Variants in CARD10 observed in about 807,000 individuals in gnomAD.
The protein encoded by CARD10 is caspase recruitment domain-containing protein 10.
Under a neutral mutation model 114.6 loss-of-function variants are expected in CARD10, and 49 were observed. The observed-to-expected ratio is 0.43, with a 90% confidence interval of 0.34 to 0.54. The LOEUF (loss-of-function observed/expected upper bound fraction) is 0.54. Ranked by LOEUF, CARD10 falls within the 20% of genes least tolerant of loss-of-function variation. The pLI is 0.03. For missense variants in CARD10, 1,206 were observed against 1,397.2 expected, an observed-to-expected ratio of 0.86 and a Z score of 2.18; for synonymous variants, 602 against 593.2, an observed-to-expected ratio of 1.01 and a Z score of -0.21.
chr22:37,509,198 A>C lies in CARD10; in HGVS notation c.910-516T>G. ...CTCTCATCCCCCACTTCCTGTGTGG[A>C]ACAATGGCCAGGAGGCAGGCCCATG... On this transcript the variant is annotated intron_variant, in intron 4 of 19. Transcript: ENST00000251973. 2.8e-6 allele frequency: 4 copies of C among 1,405,730 alleles called. 1 individual carries two copies. In the South Asian group the frequency reaches 6.5e-5, roughly 23 times the overall value. The allele number at this position is 1,405,730 out of a possible 1,614,324, so 87.1% of individuals were successfully genotyped here. A position where few individuals can be genotyped will look rare whatever the true frequency, so the allele number is the denominator to read the frequency against.
chr22:37,500,522 G>A (rs1923175865), intron 11 of CARD10, among the ~76,000 whole-genome samples: 1 of 151,890 alleles, frequency 6.6e-6, no homozygotes, highest in Admixed American at 6.6e-5. Flanking sequence ...CCGGCACCCA[G>A]GCTCCAGGAG....
At position 37,507,681 on chromosome 22, in the gene CARD10, T is replaced by C. The variant is rs2145767299; in HGVS notation, c.1191+148A>G. 4.1e-6 allele frequency: 4 copies of C among 974,098 alleles called. No homozygotes were observed. The African/African-American group carries it at 6.5e-5, about 16-fold the overall frequency. The allele number at this position is 974,098 out of a possible 1,614,324, so 60.3% of individuals were successfully genotyped here. A position where few individuals can be genotyped will look rare whatever the true frequency, so the allele number is the denominator to read the frequency against. Reference sequence around the variant, plus strand: ...CAAGGGCTCCAGGTCTCCTGTCTGGTTCCCCCAGCCTTTGTGCCCCGTCCT... The same window carrying C: ...CAAGGGCTCCAGGTCTCCTGTCTGGCTCCCCCAGCCTTTGTGCCCCGTCCT... On this transcript the variant is annotated intron_variant, in intron 6 of 19. Coordinates refer to ENST00000251973, the MANE Select transcript of CARD10 (RefSeq NM_014550.4).
At chr22:37,508,142 T>C (rs1399671067) in intron 5 of CARD10, among the ~76,000 whole-genome samples, 188 bp from the exon 6 acceptor site, 2 of 152,110 alleles carry the variant, frequency 1.3e-5, no homozygotes, top group African/African-American at 4.8e-5. Context: ...CTGCCTAATC[T>C]GTAAAACGAG....
At position 37,510,097 on chromosome 22, in the gene CARD10, T is replaced by G. The variant is rs1363165739; in HGVS notation, c.909+115A>C. 1.4e-5 allele frequency: 9 copies of G among 654,616 alleles called. No homozygotes were observed. The Admixed American group carries it at 2.3e-4, about 17-fold the overall frequency. The allele number at this position is 654,616 out of a possible 1,614,324, so 40.6% of individuals were successfully genotyped here. On this transcript the variant is annotated intron_variant, in intron 4 of 19. Coordinates refer to ENST00000251973, the MANE Select transcript of CARD10 (RefSeq NM_014550.4). ...GCCCAGAAGCCCTGGCCCTGCTACC[T>G]GCTGCAGGCCTTCCTGATCCCCCAC...
At chr22:37,505,030 C>G (rs1923357018) in intron 7 of CARD10, among the ~76,000 whole-genome samples, 1 of 152,198 alleles carries the variant, frequency 6.6e-6, no homozygotes, top group Non-Finnish European at 1.5e-5. Flanking sequence ...CAAGTACTCT[C>G]CAAAGAAACT....
Position 37,495,513 on chromosome 22 carries a change from T to C in CARD10, c.2373+4A>G. The C allele has an allele frequency of 6.2e-7, 1 of 1,609,460 alleles. No individual in the cohort carries two copies. Among genetic ancestry groups the C allele is most frequent in the Non-Finnish European group, 8.5e-7 (1 of 1,178,502 alleles). On this transcript the variant is annotated splice_donor_region_variant and intron_variant, in intron 15 of 19. Transcript: ENST00000251973. Reference sequence around the variant, plus strand: ...CCACCCACTACCTGCCCAGCCGTGCTCACATTACTGCGGGGGCCTCGGTGC... The same window carrying C: ...CCACCCACTACCTGCCCAGCCGTGCCCACATTACTGCGGGGGCCTCGGTGC...
chr22:37,506,366 G>A lies in CARD10; in HGVS notation c.1209C>T (p.Asp403=), dbSNP rs142972650. 63 of 1,591,594 alleles carry A rather than the reference G, an allele frequency of 4.0e-5. No homozygotes were observed. The Middle Eastern group carries it at 1.2e-3, about 29-fold the overall frequency. The change falls in exon 7 of 20, where the codon GAC becomes GAT. Residue 403 remains aspartate, a synonymous_variant. Coordinates refer to ENST00000251973, the MANE Select transcript of CARD10 (RefSeq NM_014550.4). ...KERDQAIQSR[D]RIQLQYSQSL... ...TCTGTGAGTACTGCAACTGGATCCG[G>A]TCACGGCTCTGGATGGCCTAGGGTT... is the stretch of plus-strand genomic sequence containing the variant.
intron 3 of CARD10, among the ~76,000 whole-genome samples, chr22:37,511,424 AG>A (rs1923643466): frequency 1.2e-5 from 1 of 80,452 alleles, no homozygotes; most frequent in Non-Finnish European, 2.3e-5. Flanking sequence ...AGGAGGAGGG[AG>A]GGGGAAGAGG....
intron 4 of CARD10, chr22:37,509,197 G>C: frequency 1.3e-5 from 18 of 1,407,024 alleles, no homozygotes; most frequent in Non-Finnish European, 1.6e-5. Context: ...TTCCTGTGTG[G>C]AACAATGGCC....
intron 2 of CARD10, 35 bp downstream of exon 2, chr22:37,517,936 T>G (rs1380807252): frequency 6.2e-7 from 1 of 1,601,460 alleles, no homozygotes; most frequent in Non-Finnish European, 8.5e-7. Flanking sequence ...TGCACTGGAG[T>G]CCGAGGTGCC....
At chr22:37,513,377 T>C (rs974486060) in intron 3 of CARD10, among the ~76,000 whole-genome samples, 2 of 152,156 alleles carry the variant, frequency 1.3e-5, no homozygotes, top group African/African-American at 4.8e-5. Context: ...CCCAAAGTGC[T>C]GGGATTACAG....
At position 37,491,131 on chromosome 22, in the gene CARD10, G is replaced by T. The variant is rs1182938028; in HGVS notation, c.*28C>A. 2.0e-6 allele frequency: 3 copies of T among 1,514,746 alleles called. No homozygotes were observed. Among genetic ancestry groups the T allele is most frequent in the Non-Finnish European group, 1.8e-6 (2 of 1,117,824 alleles). The allele number at this position is 1,514,746 out of a possible 1,614,324, so 93.8% of individuals were successfully genotyped here. The stretch of plus-strand genomic sequence containing the variant: ...AGACACCAGGGTCCACGCTGGCTTG[G>T]GGAGAAGGTGCAGGTATCAGATGAG... On this transcript the variant is annotated 3_prime_UTR_variant, in exon 20 of 20. Coordinates refer to ENST00000251973, the MANE Select transcript of CARD10 (RefSeq NM_014550.4).
intron 1 of CARD10, 49 bp from the exon 2 acceptor site, chr22:37,518,157 C>CA: frequency 6.3e-7 from 1 of 1,588,660 alleles, no homozygotes; most frequent in Non-Finnish European, 8.6e-7. Context: ...AAGGCCTCCC[C>CA]AGGTGCCTGG....
intron 2 of CARD10, among the ~76,000 whole-genome samples, 181 bp from the exon 3 acceptor site, chr22:37,516,479 G>GA: frequency 6.6e-6 from 1 of 152,188 alleles, no homozygotes; most frequent in Admixed American, 6.5e-5. Context: ...AGTTATAAGA[G>GA]AAAAAAGATG....
chr22:37,514,103 CA>C (rs5845349), intron 3 of CARD10, among the ~76,000 whole-genome samples: 62,514 of 132,664 alleles, frequency 0.47, 15,425 homozygotes, highest in South Asian at 0.57. Context: ...GACTCCATCT[CA>C]AAAAAAAAAA....
chr22:37,505,491 G>A (rs1444572388), intron 7 of CARD10, among the ~76,000 whole-genome samples: 1 of 151,902 alleles, frequency 6.6e-6, no homozygotes, highest in Non-Finnish European at 1.5e-5. Context: ...CCAACATGGT[G>A]AAACCCCCAT....
rs557741554 is a variant in CARD10 at position 37,494,945 on chromosome 22, C to T, written c.2373+572G>A. 2.6e-5 allele frequency among the ~76,000 whole-genome samples: 4 copies of T among 152,142 alleles called. No homozygotes were observed. The South Asian group carries it at 8.3e-4, about 32-fold the overall frequency. On this transcript the variant is annotated intron_variant, in intron 15 of 19. Coordinates refer to ENST00000251973, the MANE Select transcript of CARD10 (RefSeq NM_014550.4). ...ACCATCCAGGCATTGGAAAAGGGGA[C>T]ATGACTGCTGGTTTGTTTTTTTTGT...
intron 15 of CARD10, 144 bp from the exon 16 acceptor site, chr22:37,494,332 CCTT>C (rs922904900): frequency 1.1e-5 from 7 of 613,832 alleles, no homozygotes; most frequent in African/African-American, 1.8e-5. Context: ...GCAAAGATGT[CCTT>C]CTCCACCAGG....
intron 6 of CARD10, among the ~76,000 whole-genome samples, chr22:37,506,996 C>T (rs764454020): frequency 3.3e-5 from 5 of 152,180 alleles, no homozygotes; most frequent in Non-Finnish European, 5.9e-5. Context: ...ATGCAGACTT[C>T]GGCTGGGCAT....
Sources: allele counts gnomAD v4.1 joint callset (sites outside exome capture counted in the v4.1 genomes callset), GRCh38; gene constraint gnomAD v4.1.1; transcripts MANE v1.5; gene names NCBI Gene and HGNC (gene_info 2026-07-23, HGNC 2026-07-21).